CNTNAP2: variants seen among roughly 807,000 people sequenced by gnomAD.
CNTNAP2 encodes the protein contactin associated protein 2.
Under a neutral mutation model 155.2 loss-of-function variants are expected in CNTNAP2, and 98 were observed. That is an observed-to-expected ratio of 0.63 (90% CI 0.54 to 0.75). CNTNAP2 has a LOEUF of 0.75. Among genes scored for constraint, CNTNAP2 ranks in the 30% least tolerant of loss-of-function variants. CNTNAP2 has a pLI of 0.00. For missense variants in CNTNAP2, 1,727 were observed against 1,688.1 expected, an observed-to-expected ratio of 1.02 and a Z score of -0.40; for synonymous variants, 651 against 631.2, an observed-to-expected ratio of 1.03 and a Z score of -0.47.
chr7:147,126,402 A>G (rs1431761440), intron 6 of CNTNAP2, among the ~76,000 whole-genome samples: 3 of 152,198 alleles, frequency 2.0e-5, no homozygotes, highest in African/African-American at 7.2e-5. Context: ...ATTTGTTACT[A>G]TCAGCTTCGT....
chr7:148,358,418 A>G (rs1798558650), intron 21 of CNTNAP2, among the ~76,000 whole-genome samples: 1 of 152,148 alleles, frequency 6.6e-6, no homozygotes, highest in Non-Finnish European at 1.5e-5. Flanking sequence ...CTTGAGGGAA[A>G]TGGGAGACGG....
chr7:147,493,931 G>A (rs1254565574), intron 11 of CNTNAP2, among the ~76,000 whole-genome samples: 2 of 152,176 alleles, frequency 1.3e-5, no homozygotes, highest in Admixed American at 6.5e-5. Context: ...ACTTCAGCAT[G>A]GTGCTTGGTA....
chr7:146,124,377 TGGG>T (rs1190981343), intron 1 of CNTNAP2, among the ~76,000 whole-genome samples: 45 of 152,300 alleles, frequency 3.0e-4, no homozygotes, highest in African/African-American at 1.1e-3. Context: ...CACCTCTTAA[TGGG>T]AACCAAATTA....
chr7:147,701,533 T>C (rs922919201), intron 13 of CNTNAP2, among the ~76,000 whole-genome samples: 1 of 152,104 alleles, frequency 6.6e-6, no homozygotes, highest in Non-Finnish European at 1.5e-5. Context: ...CCAAACAGAG[T>C]ATACTGTGAA....
intron 1 of CNTNAP2, among the ~76,000 whole-genome samples, chr7:146,168,333 G>C (rs1470554976): frequency 6.6e-6 from 1 of 151,840 alleles, no homozygotes; most frequent in Non-Finnish European, 1.5e-5. Flanking sequence ...CTATCCTATA[G>C]ATAATGTAAG....
chr7:148,292,463 A>G (rs574831763), intron 21 of CNTNAP2, among the ~76,000 whole-genome samples: 24 of 152,358 alleles, frequency 1.6e-4, no homozygotes, highest in Non-Finnish European at 2.6e-4. Flanking sequence ...CTGATTAAAA[A>G]TGTTTGTAGT....
At chr7:146,975,018 G>A (rs1019299509) in intron 3 of CNTNAP2, among the ~76,000 whole-genome samples, 4 of 152,030 alleles carry the variant, frequency 2.6e-5, no homozygotes, top group Admixed American at 6.6e-5. Context: ...TATTCACCAG[G>A]TATACGTATA....
chr7:147,894,595 A>C (rs932121241), intron 13 of CNTNAP2, among the ~76,000 whole-genome samples: 1 of 152,146 alleles, frequency 6.6e-6, no homozygotes, highest in Admixed American at 6.5e-5. Flanking sequence ...CATATGATAA[A>C]ACTAGTTCTC....
chr7:146,212,997 C>G (rs1159012561), intron 1 of CNTNAP2, among the ~76,000 whole-genome samples: 1 of 152,200 alleles, frequency 6.6e-6, no homozygotes, highest in Non-Finnish European at 1.5e-5. Flanking sequence ...CTAAAGTGCT[C>G]TCAACAGTGT....
intron 10 of CNTNAP2, among the ~76,000 whole-genome samples, chr7:147,424,631 GT>G (rs374001846): frequency 1.6e-4 from 25 of 152,162 alleles, no homozygotes; most frequent in African/African-American, 6.0e-4. Flanking sequence ...TATTCCATCT[GT>G]ATGTTGACTT....
intron 15 of CNTNAP2, among the ~76,000 whole-genome samples, chr7:147,999,262 T>C (rs909435145): frequency 2.0e-5 from 3 of 152,224 alleles, no homozygotes; most frequent in Admixed American, 6.5e-5. Context: ...GTTGTATTTT[T>C]AGTAGAGACG....
chr7:146,268,475 G>T (rs1800029069), intron 1 of CNTNAP2, among the ~76,000 whole-genome samples: 1 of 152,124 alleles, frequency 6.6e-6, no homozygotes, highest in Non-Finnish European at 1.5e-5. Context: ...AACAGTACCT[G>T]GACCCAGCCC....
At chr7:147,891,785 A>G (rs1799698990) in intron 13 of CNTNAP2, among the ~76,000 whole-genome samples, 1 of 152,142 alleles carries the variant, frequency 6.6e-6, no homozygotes. Flanking sequence ...TAGTTTACCA[A>G]ATAATTCCAA....
intron 1 of CNTNAP2, among the ~76,000 whole-genome samples, chr7:146,623,180 CT>C (rs773464669): frequency 4.6e-5 from 7 of 152,074 alleles, no homozygotes; most frequent in African/African-American, 1.2e-4. Flanking sequence ...AGCATCACCC[CT>C]CTCCCCTGCC....
At chr7:146,902,154 G>A (rs1179899017) in intron 3 of CNTNAP2, among the ~76,000 whole-genome samples, 1 of 152,030 alleles carries the variant, frequency 6.6e-6, no homozygotes, top group Non-Finnish European at 1.5e-5. Context: ...AAAGTGCTGG[G>A]ATTACAGGCG....
chr7:146,351,123 T>C (rs1273147484), intron 1 of CNTNAP2, among the ~76,000 whole-genome samples: 1 of 151,726 alleles, frequency 6.6e-6, no homozygotes, highest in Non-Finnish European at 1.5e-5. Context: ...GGCACATATA[T>C]ACATATGTAA....
At chr7:146,831,375 G>T (rs145395288) in intron 2 of CNTNAP2, among the ~76,000 whole-genome samples, 87 of 152,016 alleles carry the variant, frequency 5.7e-4, no homozygotes, top group African/African-American at 1.8e-3. Flanking sequence ...GAATTCGAAT[G>T]CTTCAAAAAG....
intron 2 of CNTNAP2, among the ~76,000 whole-genome samples, chr7:146,782,616 G>C (rs78559648): frequency 6.6e-6 from 1 of 152,286 alleles, no homozygotes; most frequent in Non-Finnish European, 1.5e-5. Flanking sequence ...GGAATAATTT[G>C]TCATCTGAGT....
At chr7:148,110,674 G>A (rs2214722) in intron 15 of CNTNAP2, among the ~76,000 whole-genome samples, 46,056 of 151,908 alleles carry the variant, frequency 0.3, 8,495 homozygotes, top group East Asian at 0.69. Context: ...CCCAGGAACC[G>A]GAGGCAGGCA....
Sources: allele counts gnomAD v4.1 joint callset (sites outside exome capture counted in the v4.1 genomes callset), GRCh38; gene constraint gnomAD v4.1.1; transcripts MANE v1.5; gene names NCBI Gene and HGNC (gene_info 2026-07-23, HGNC 2026-07-21).